The following CACNA2D3 variants were observed in gnomAD, a reference collection of about 807,000 sequenced individuals.
CACNA2D3 encodes the protein voltage-dependent calcium channel subunit alpha-2/delta-3.
In CACNA2D3, 60 loss-of-function variants were observed where a neutral mutation model predicts 160.6. The ratio of observed to expected loss-of-function variants is 0.37; its 90% CI spans 0.30 to 0.46. CACNA2D3 has a LOEUF of 0.46. Among genes scored for constraint, CACNA2D3 ranks in the 20% least tolerant of loss-of-function variants. CACNA2D3 has a pLI of 1.00. For synonymous variants in CACNA2D3, 558 were observed against 492.9 expected, an observed-to-expected ratio of 1.13 and a Z score of -1.75; for missense variants, 1,205 against 1,365.0, an observed-to-expected ratio of 0.88 and a Z score of 1.85.
intron 2 of CACNA2D3, among the ~76,000 whole-genome samples, chr3:54,297,750 C>A (rs184338657): frequency 6.6e-6 from 1 of 151,814 alleles, no homozygotes; most frequent in Non-Finnish European, 1.5e-5. Context: ...ATGGTAACAC[C>A]ACTAAGAAGC....
intron 12 of CACNA2D3, among the ~76,000 whole-genome samples, chr3:54,763,791 A>ATATATGTACATATATATG (rs1702147817): frequency 4.7e-5 from 2 of 42,126 alleles, no homozygotes; most frequent in African/African-American, 1.8e-4. Context: ...ATATATATGT[A>ATATATGTACATATATATG]TATATATGTA....
chr3:54,199,191 A>T (rs1559879757), intron 2 of CACNA2D3, among the ~76,000 whole-genome samples: 1 of 152,000 alleles, frequency 6.6e-6, no homozygotes, highest in Non-Finnish European at 1.5e-5. Context: ...AAAACACCCA[A>T]ATTCAGTAGT....
intron 12 of CACNA2D3, among the ~76,000 whole-genome samples, chr3:54,754,067 CATA>C (rs535061582): frequency 7.6e-4 from 115 of 152,256 alleles, no homozygotes; most frequent in Non-Finnish European, 1.4e-3. Context: ...AATACTAGGA[CATA>C]ATAAGTGCTC....
intron 25 of CACNA2D3, among the ~76,000 whole-genome samples, chr3:54,891,970 C>T (rs1258685080): frequency 6.6e-6 from 1 of 152,164 alleles, no homozygotes; most frequent in African/African-American, 2.4e-5. Context: ...TGGGGTTTGA[C>T]AGTGTCTCCT....
chr3:54,783,589 G>A (rs181716217), intron 13 of CACNA2D3, among the ~76,000 whole-genome samples: 18 of 152,092 alleles, frequency 1.2e-4, no homozygotes, highest in African/African-American at 3.9e-4. Context: ...CTGGGTGACC[G>A]AGTAAGACTC....
chr3:54,918,773 A>G, intron 27 of CACNA2D3: 1 of 1,614,140 alleles, frequency 6.2e-7, no homozygotes, highest in South Asian at 1.1e-5. Flanking sequence ...TGAGCCTGCG[A>G]GGACACTGGA....
At chr3:54,541,059 C>T (rs1405831932) in intron 5 of CACNA2D3, among the ~76,000 whole-genome samples, 16 of 151,926 alleles carry the variant, frequency 1.1e-4, no homozygotes, top group African/African-American at 1.7e-4. Flanking sequence ...GGGCAGATCA[C>T]GAGGTCAGGA....
intron 27 of CACNA2D3, among the ~76,000 whole-genome samples, chr3:54,965,013 G>A (rs1702116811): frequency 6.6e-6 from 1 of 151,968 alleles, no homozygotes; most frequent in South Asian, 2.1e-4. Flanking sequence ...CTGCCACTTC[G>A]ATACTAAAGA....
At chr3:54,459,728 T>C (rs531173193) in intron 4 of CACNA2D3, among the ~76,000 whole-genome samples, 1 of 152,158 alleles carries the variant, frequency 6.6e-6, no homozygotes, top group Non-Finnish European at 1.5e-5. Context: ...AGGTTGCCTG[T>C]TCACTCTGAT....
intron 2 of CACNA2D3, among the ~76,000 whole-genome samples, chr3:54,172,546 A>G (rs1037619118): frequency 1.3e-5 from 2 of 152,222 alleles, no homozygotes; most frequent in African/African-American, 4.8e-5. Context: ...TGCTAAGTAC[A>G]TGGAGAAGGT....
At position 54,885,469 on chromosome 3, in the gene CACNA2D3, G is replaced by T. The variant is rs770131930; in HGVS notation, c.1959-20G>T. The T allele has an allele frequency of 1.9e-6, 3 of 1,606,056 alleles. No homozygotes were observed. The highest frequency in any genetic ancestry group is 1.7e-6 in the Non-Finnish European group (2 of 1,173,078). ...GTAAATATTGACATGCTCTTGTTTT[G>T]GGCCATGTCATGTTCTTAGGTCCTA... On this transcript the variant is annotated intron_variant, in intron 22 of 37. Transcript: ENST00000474759.
chr3:54,326,483 T>C (rs1704124036), intron 3 of CACNA2D3, among the ~76,000 whole-genome samples: 2 of 152,230 alleles, frequency 1.3e-5, no homozygotes, highest in African/African-American at 2.4e-5. Context: ...AATTAATATC[T>C]ATAGGGACTA....
intron 18 of CACNA2D3, chr3:54,876,170 C>A (rs1699653681): frequency 6.6e-6 from 1 of 152,172 alleles, no homozygotes; most frequent in Non-Finnish European, 1.5e-5. Context: ...ATCTTGCCCT[C>A]CCCGCCTTAG....
chr3:54,625,852 T>A (rs1352701147), intron 9 of CACNA2D3, among the ~76,000 whole-genome samples: 1 of 152,204 alleles, frequency 6.6e-6, no homozygotes, highest in Non-Finnish European at 1.5e-5. Context: ...GATTTGTCTC[T>A]ACGATCCATT....
intron 4 of CACNA2D3, among the ~76,000 whole-genome samples, chr3:54,408,280 G>T (rs1358725823): frequency 6.6e-6 from 1 of 152,094 alleles, no homozygotes; most frequent in East Asian, 1.9e-4. Context: ...GAGCTTCTAA[G>T]AGCTCCACTC....
At chr3:54,721,988 A>G (rs577568373) in intron 11 of CACNA2D3, among the ~76,000 whole-genome samples, 1 of 152,254 alleles carries the variant, frequency 6.6e-6, no homozygotes, top group South Asian at 2.1e-4. Context: ...TCTCCTGGCT[A>G]ATATCCTGAA....
chr3:54,805,549 G>T (rs1424301054), intron 13 of CACNA2D3, among the ~76,000 whole-genome samples: 1 of 151,250 alleles, frequency 6.6e-6, no homozygotes, highest in East Asian at 1.9e-4. Context: ...CTGAAATTGT[G>T]GCAATAATCA....
At chr3:54,337,122 G>A (rs778815821) in intron 3 of CACNA2D3, among the ~76,000 whole-genome samples, 5 of 152,212 alleles carry the variant, frequency 3.3e-5, no homozygotes, top group Non-Finnish European at 7.3e-5. Context: ...ACACACGGTG[G>A]TAGGCAGATA....
At chr3:54,730,691 T>TG (rs576212519) in intron 11 of CACNA2D3, among the ~76,000 whole-genome samples, 504 of 152,148 alleles carry the variant, frequency 3.3e-3, no homozygotes, top group South Asian at 5.8e-3. Context: ...TTAATAGAGA[T>TG]GGGGTTTCAC....
Sources: gnomAD v4.1 joint callset for allele counts (sites outside exome capture counted in the v4.1 genomes callset) on GRCh38, gnomAD v4.1.1 for gene constraint, MANE v1.5 for transcripts, NCBI Gene and HGNC (gene_info 2026-07-23, HGNC 2026-07-21) for gene names.